Variants in ABCA2 observed in about 807,000 individuals in gnomAD.
The protein encoded by ABCA2 is ATP-binding cassette sub-family A member 2.
ABCA2 carries 84 observed loss-of-function variants against 262.8 expected under a neutral mutation model. The ratio of observed to expected loss-of-function variants is 0.32; its 90% CI spans 0.27 to 0.38. ABCA2 has a LOEUF of 0.38. ABCA2 is among the 10% of genes least tolerant of loss of function. The probability of loss-of-function intolerance (pLI) is 1.00; values close to 1 mark genes in which losing one functional copy is unlikely to be tolerated. For missense variants in ABCA2, 2,662 were observed against 3,405.9 expected (o/e 0.78, Z 5.44); for synonymous variants, 1,696 against 1,502.9 (o/e 1.13, Z -2.97).
chr9:137,022,442 G>C lies in ABCA2; in HGVS notation c.476C>G (p.Pro159Arg), dbSNP rs535717262. 20 of 1,611,888 alleles carry C rather than the reference G, an allele frequency of 1.2e-5. No homozygotes were observed. Among genetic ancestry groups the C allele is most frequent in the Non-Finnish European group, 1.7e-5 (20 of 1,179,768 alleles). ...SFSLDSVARNPQELWRFLTQN... is the reference protein window; with the variant it reads ...SFSLDSVARNRQELWRFLTQN... ...CGTCAGGAAACGCCAGAGCTCCTGCGGGTTTCTGGCCACCGAGTCCAGAGA... is the reference window on the plus strand; with the variant it reads ...CGTCAGGAAACGCCAGAGCTCCTGCCGGTTTCTGGCCACCGAGTCCAGAGA... The change falls in exon 6 of 49, where the codon CCG becomes CGG. Residue 159 changes from proline to arginine, a missense_variant. Coordinates refer to ENST00000341511, the MANE Select transcript of ABCA2 (RefSeq NM_001606.5).
Position 137,014,048 on chromosome 9 carries a change from G to C in ABCA2, c.4241-10C>G. On this transcript the variant is annotated splice_polypyrimidine_tract_variant and intron_variant, in intron 27 of 48. Transcript: ENST00000341511. ...GCCTCTGCCTCCACCTCTGTGCAGA[G>C]AGGTAGAGGCTGAGCAGGTGGTTGC... 1 of 1,609,468 alleles carries C rather than the reference G, an allele frequency of 6.2e-7. No individual in the cohort carries two copies. Among genetic ancestry groups the C allele is most frequent in the South Asian group, 1.1e-5 (1 of 90,960 alleles).
At chr9:137,028,916 C>A, upstream of ABCA2, 1 of 1,288,448 alleles carries the variant, frequency 7.8e-7, no homozygotes, top group Admixed American at 2.9e-5. The surrounding 1 kb of genome is among the most constrained non-coding windows in gnomAD (Gnocchi z 6.9). Flanking sequence ...CGGGATCAGG[C>A]GGTTCTGCGG....
In ABCA2 at chr9:137,015,451, C is replaced by T. The variant is rs764350245; in HGVS notation, c.3660G>A (p.Thr1220=). The T allele has an allele frequency of 5.1e-6, 8 of 1,580,644 alleles. No individual in the cohort carries two copies. The highest frequency in any genetic ancestry group is 1.4e-5 in the African/African-American group (1 of 74,038). Residue 1220 remains threonine (T), a synonymous_variant, in exon 24 of 49, where the codon ACG becomes ACA. Transcript: ENST00000341511. ...KGTYGDGYRL[T]LVKRPAEPGG... is the part of the protein sequence containing the mutation. Reference sequence around the variant, plus strand: ...CCGGCTCGGCGGGCCGCTTGACCAGCGTGAGGCGGTACCCGTCGCCATAGG... The same window carrying T: ...CCGGCTCGGCGGGCCGCTTGACCAGTGTGAGGCGGTACCCGTCGCCATAGG...
At chr9:137,025,524 C>T in intron 1 of ABCA2, among the ~76,000 whole-genome samples, 1 of 152,238 alleles carries the variant, frequency 6.6e-6, no homozygotes, top group East Asian at 1.9e-4. Flanking sequence ...GTTTACTGTG[C>T]TTGGACAATA....
intron 6 of ABCA2, 148 bp downstream of exon 6, chr9:137,022,203 A>G (rs1831491360): frequency 1.8e-6 from 1 of 543,662 alleles, no homozygotes; most frequent in Non-Finnish European, 2.2e-6. Context: ...CATGGCTCAG[A>G]GAGTGGGGGC....
rs1394020939 is a variant in ABCA2 at position 137,016,693 on chromosome 9, G to A, written c.2804C>T (p.Ser935Phe). The change falls in exon 20 of 49, where the codon TCC becomes TTC. Residue 935 changes from serine (S) to phenylalanine (F), a missense_variant. Transcript: ENST00000341511. ...TGTCCGCCCACTGCCCAGCCAGTAGGACTTCTGCAGTGGGAAGTACCAGGG... is the reference window on the plus strand; with the variant it reads ...TGTCCGCCCACTGCCCAGCCAGTAGAACTTCTGCAGTGGGAAGTACCAGGG... ...PRPWYFPLQK[S>F]YWLGSGRTEA... The A allele has an allele frequency of 6.3e-7, 1 of 1,586,206 alleles. No homozygotes were observed. Among genetic ancestry groups the A allele is most frequent in the South Asian group, 1.1e-5 (1 of 87,636 alleles).
rs770842790 is a variant in ABCA2, at chr9:137,019,079, G to A, written c.1555-9C>T. ...CGCAGCTCTGCTACATACTTGGGGT[G>A]GAGGGGCGGCTCAGAGGGGGACCTG... On this transcript the variant is annotated splice_polypyrimidine_tract_variant and intron_variant, in intron 11 of 48. Transcript: ENST00000341511. This position sits in a 1 kb window ranked among gnomAD's most constrained non-coding sequence, Gnocchi z 4.4. The A allele has an allele frequency of 7.0e-5, 112 of 1,605,834 alleles. No individual in the cohort carries two copies. The highest frequency in any genetic ancestry group is 2.9e-4 in the East Asian group (13 of 44,684).
At chr9:137,018,390 G>A (rs2131454831) in intron 13 of ABCA2, 39 bp from the exon 14 acceptor site, 2 of 1,490,484 alleles carry the variant, frequency 1.3e-6, no homozygotes, top group East Asian at 2.4e-5. Context: ...AGATGCAGGG[G>A]CGGGACCAAG....
intron 1 of ABCA2, 41 bp from the exon 2 acceptor site, chr9:137,024,277 G>A: frequency 6.6e-7 from 1 of 1,517,154 alleles, no homozygotes; most frequent in Non-Finnish European, 9.0e-7. Flanking sequence ...ACAGACCTGT[G>A]CTCGCCTAGG....
chr9:137,009,747 C>T (rs2131427848), intron 43 of ABCA2, 22 bp downstream of exon 43: 1 of 1,608,748 alleles, frequency 6.2e-7, no homozygotes, highest in Middle Eastern at 1.7e-4. Flanking sequence ...AGGCAGCCAC[C>T]CCCCACCCAC....
chr9:137,013,854 C>T lies in ABCA2; in HGVS notation c.4425G>A (p.Val1475=). 1 of 1,610,130 alleles carries T rather than the reference C, an allele frequency of 6.2e-7. No individual in the cohort carries two copies. The highest frequency in any genetic ancestry group is 8.5e-7 in the Non-Finnish European group (1 of 1,178,772). The change falls in exon 28 of 49, where the codon GTG becomes GTA. Residue 1475 remains valine, a synonymous_variant. Coordinates refer to ENST00000341511, the MANE Select transcript of ABCA2 (RefSeq NM_001606.5). ...PAFFVCVAMT[V]ALSVPEIGDL... is the part of the protein sequence containing the mutation. ...TACCAATCTCCGGGACGGACAGGGC[C>T]ACGGTCATGGCCACGCAGACGAAGA...
chr9:137,015,734 G>A lies in ABCA2; in HGVS notation c.3455C>T (p.Ala1152Val), dbSNP rs923209488. 3 of 1,611,980 alleles carry A rather than the reference G, an allele frequency of 1.9e-6. No individual in the cohort carries two copies. The highest frequency in any genetic ancestry group is 2.7e-5 in the African/African-American group (2 of 75,052). ...SRAIILDEPT[A>V]GVDPYARRAI... ...GCGGCGCGCGTAGGGGTCCACGCCCGCCGTGGGCTCGTCCAGGATGATGGC... is the reference window on the plus strand; with the variant it reads ...GCGGCGCGCGTAGGGGTCCACGCCCACCGTGGGCTCGTCCAGGATGATGGC... Residue 1152 changes from alanine to valine, a missense_variant, in exon 23 of 49, where the codon GCG becomes GTG. Ala to Val is a moderately conservative substitution (Grantham distance 64, BLOSUM62 0). Transcript: ENST00000341511.
chr9:137,022,914 T>A (rs1167222579), intron 4 of ABCA2, 27 bp downstream of exon 4: 2 of 640,762 alleles, frequency 3.1e-6, no homozygotes, highest in Non-Finnish European at 5.1e-6. Flanking sequence ...GAGGGGTGGG[T>A]GCTCCGAGGG....
Position 137,014,288 on chromosome 9 carries a change from G to C in ABCA2, c.4120C>G (p.Gln1374Glu). Residue 1374 changes from glutamine to glutamate, a missense_variant, in exon 27 of 49, where the codon CAG (glutamine) becomes GAG (glutamate). This residue lies in a region of ABCA2 where 297 missense variants were observed against 286.5 expected (regional missense o/e 1.04). Transcript: ENST00000341511. ...GCAGAGCCCACAGATGACGCCGACTGCAGCGATGCCTGCGACTGGGTCAGC... is the reference window on the plus strand; with the variant it reads ...GCAGAGCCCACAGATGACGCCGACTCCAGCGATGCCTGCGACTGGGTCAGC... ...SELTQSQASL[Q>E]SASSVGSARG... 1 of 1,611,404 alleles carries C rather than the reference G, an allele frequency of 6.2e-7. No individual in the cohort carries two copies. Among genetic ancestry groups the C allele is most frequent in the South Asian group, 1.1e-5 (1 of 90,794 alleles).
At position 137,007,602 on chromosome 9, in the gene ABCA2, G is replaced by C; in HGVS notation, c.*327C>G. Reference sequence around the variant, plus strand: ...AGGCCGGGCAGGAGAAAGGCCAGCAGTGCCTGGTCCAGCCGGCGTCGCCTT... The same window carrying C: ...AGGCCGGGCAGGAGAAAGGCCAGCACTGCCTGGTCCAGCCGGCGTCGCCTT... On this transcript the variant is annotated 3_prime_UTR_variant, in exon 49 of 49. Coordinates refer to ENST00000341511, the MANE Select transcript of ABCA2 (RefSeq NM_001606.5). 2.2e-6 allele frequency: 1 copy of C among 462,094 alleles called. No individual in the cohort carries two copies. Among genetic ancestry groups the C allele is most frequent in the Non-Finnish European group, 3.9e-6 (1 of 253,776 alleles). 28.6% of individuals were successfully genotyped at this position (462,094 alleles called of 1,614,324 possible).
At chr9:137,013,387 GCCTGGCCC>G (rs1564216813) in intron 29 of ABCA2, 66 bp downstream of exon 29, 1 of 1,179,288 alleles carries the variant, frequency 8.5e-7, no homozygotes, top group East Asian at 2.8e-5. Context: ...CCCCTCGCCC[GCCTGGCCC>G]ACCAAGGCTG....
At chr9:137,009,517 A>G (rs754067403) in intron 44 of ABCA2, 24 bp downstream of exon 44, 1 of 1,582,862 alleles carries the variant, frequency 6.3e-7, no homozygotes, top group East Asian at 2.2e-5. Flanking sequence ...TGGGGGCACA[A>G]AGAGGGGGTG....
rs888533653 is a variant in ABCA2, at chr9:137,024,281, G to A, written c.67-45C>T. The A allele has an allele frequency of 1.5e-5, 22 of 1,503,342 alleles. No individual in the cohort carries two copies. The African/African-American group carries it at 1.8e-4, about 12-fold the overall frequency. 93.1% of individuals were successfully genotyped at this position (1,503,342 alleles called of 1,614,324 possible). A position where few individuals can be genotyped will look rare whatever the true frequency, so the allele number is the denominator to read the frequency against. ...TGAGGGATAGGACAGACCTGTGCTCGCCTAGGCCCTCCCCAGCCTCCCATA... is the reference window on the plus strand; with the variant it reads ...TGAGGGATAGGACAGACCTGTGCTCACCTAGGCCCTCCCCAGCCTCCCATA... On this transcript the variant is annotated intron_variant, in intron 1 of 48. Coordinates refer to ENST00000341511, the MANE Select transcript of ABCA2 (RefSeq NM_001606.5).
In ABCA2 at chr9:137,008,569, C is replaced by T. The variant is rs372488285; in HGVS notation, c.7122G>A (p.Thr2374=). 1.2e-4 allele frequency: 193 copies of T among 1,608,942 alleles called. No individual in the cohort carries two copies. The Middle Eastern group carries it at 2.5e-3, about 21-fold the overall frequency. ...KQSDNLEQQE[T]EPPSALQSPL... Reference sequence around the variant, plus strand: ...GGGACTGCAGTGCGGATGGCGGCTCCGTCTCCTGCTGCTCCAGGTTGTCAC... The same window carrying T: ...GGGACTGCAGTGCGGATGGCGGCTCTGTCTCCTGCTGCTCCAGGTTGTCAC... The change falls in exon 48 of 49, where the codon ACG becomes ACA. Residue 2374 remains threonine, a synonymous_variant. Coordinates refer to ENST00000341511, the MANE Select transcript of ABCA2 (RefSeq NM_001606.5).
Sources: gnomAD v4.1 joint callset for allele counts (sites outside exome capture counted in the v4.1 genomes callset) on GRCh38, gnomAD v4.1.1 for gene constraint, gnomAD v4.1.1 regional missense constraint, Gnocchi (gnomAD v3.1) non-coding constraint, MANE v1.5 for transcripts, NCBI Gene and HGNC (gene_info 2026-07-23, HGNC 2026-07-21) for gene names.